Variants in SERPINE3 observed in about 807,000 individuals in gnomAD.
SERPINE3 encodes the protein serpin E3.
SERPINE3 carries 43 observed loss-of-function variants against 41.7 expected under a neutral mutation model. That is an observed-to-expected ratio of 1.03 (90% CI 0.81 to 1.33). SERPINE3 has a LOEUF of 1.33. Ranked by LOEUF, SERPINE3 falls within the 40% of genes most tolerant of loss-of-function variation. The pLI is 0.00. For synonymous variants in SERPINE3, 200 were observed against 192.2 expected, an observed-to-expected ratio of 1.04 and a Z score of -0.34; for missense variants, 440 against 491.7, an observed-to-expected ratio of 0.89 and a Z score of 0.99.
Position 51,361,343 on chromosome 13 carries a change from A to G in SERPINE3, c.1066A>G (p.Thr356Ala), listed in dbSNP as rs780381450. The change falls in exon 8 of 10, where the codon ACC (threonine) becomes GCC (alanine). Residue 356 changes from threonine to alanine, a missense_variant. Thr to Ala is a moderately conservative substitution (Grantham distance 58, BLOSUM62 0). Transcript: ENST00000681248. ...CAAGATTGAAGTTTTGGAGGAAGGC[A>G]CCAAGGCATCTGGAGCCACAGGTAT... ...KAKIEVLEEG[T>A]KASGATALLL... 8.1e-6 allele frequency: 13 copies of G among 1,608,656 alleles called. No individual in the cohort carries two copies. In the South Asian group the frequency reaches 9.9e-5, roughly 12 times the overall value.
intron 4 of SERPINE3, among the ~76,000 whole-genome samples, 182 bp downstream of exon 4, chr13:51,344,667 C>T (rs1215001090): frequency 1.3e-5 from 2 of 152,092 alleles, no homozygotes; most frequent in African/African-American, 4.8e-5. Flanking sequence ...TGCCTCTCTT[C>T]CTGCTCTGAC....
rs530861853 is a variant in SERPINE3 at position 51,348,332 on chromosome 13, G to A, written c.820G>A (p.Glu274Lys). The change falls in exon 6 of 10, where the codon GAG becomes AAG. Residue 274 changes from glutamate to lysine, a missense_variant. Glu to Lys is a moderately conservative substitution (Grantham distance 56, BLOSUM62 1). Coordinates refer to ENST00000681248, the MANE Select transcript of SERPINE3 (RefSeq NM_001386375.1). ...RDKDTPLSHIEPHLTASTIHL... is the reference protein window; with the variant it reads ...RDKDTPLSHIKPHLTASTIHL... ...CAAAGACACCCCCCTGAGCCACATC[G>A]AGCCACACCTCACAGCCAGCACCAT... The A allele has an allele frequency of 1.7e-5, 28 of 1,613,802 alleles. No homozygotes were observed. The highest frequency in any genetic ancestry group is 3.3e-5 in the South Asian group (3 of 91,066).
At chr13:51,345,858 A>G (rs978958630) in intron 4 of SERPINE3, among the ~76,000 whole-genome samples, 1 of 152,192 alleles carries the variant, frequency 6.6e-6, no homozygotes, top group Admixed American at 6.5e-5. Flanking sequence ...GTCCTCTAAG[A>G]AAAAGGGGCA....
intron 6 of SERPINE3, among the ~76,000 whole-genome samples, chr13:51,352,487 G>A (rs1955414890): frequency 6.6e-6 from 1 of 151,570 alleles, no homozygotes; most frequent in South Asian, 2.1e-4. Context: ...TTTTGTGTGT[G>A]TGGATTCTTT....
At chr13:51,363,886 T>C (rs752251070) in intron 9 of SERPINE3, 6 of 161,388 alleles carry the variant, frequency 3.7e-5, no homozygotes, top group Non-Finnish European at 8.0e-5. Flanking sequence ...TCATGAGCAA[T>C]CTGTGAAACA....
At chr13:51,348,158 G>T in intron 5 of SERPINE3, 55 bp from the exon 6 acceptor site, 1 of 1,395,310 alleles carries the variant, frequency 7.2e-7, no homozygotes. Flanking sequence ...TCCGACACTG[G>T]TTCATTCTCC....
chr13:51,351,562 T>C (rs1296499718), intron 6 of SERPINE3, among the ~76,000 whole-genome samples: 2 of 152,172 alleles, frequency 1.3e-5, no homozygotes, highest in Non-Finnish European at 2.9e-5. Context: ...GATTTGTAAA[T>C]ACTTTGTCAT....
At chr13:51,340,978 TA>T in intron 2 of SERPINE3, 96 bp from the exon 3 acceptor site, 1 of 1,299,902 alleles carries the variant, frequency 7.7e-7, no homozygotes, top group Non-Finnish European at 1.1e-6. Flanking sequence ...CCCTAGCCCC[TA>T]AAAACAGAGC....
Position 51,361,627 on chromosome 13 carries a change from A to G in SERPINE3, c.1088-183A>G, listed in dbSNP as rs980404663. ...ATGGAATGTGTTGAAAACAGGAGAC[A>G]GGATTGGCTAAATGGCATCTTTTCT... On this transcript the variant is annotated intron_variant, in intron 8 of 9. Transcript: ENST00000681248. 6.6e-6 allele frequency: 4 copies of G among 605,338 alleles called. No individual in the cohort carries two copies. The African/African-American group carries it at 7.5e-5, about 11-fold the overall frequency. 37.5% of individuals were successfully genotyped at this position (605,338 alleles called of 1,614,324 possible).
At chr13:51,348,529 A>C in intron 6 of SERPINE3, 118 bp downstream of exon 6, 1 of 751,870 alleles carries the variant, frequency 1.3e-6, no homozygotes, top group Non-Finnish European at 2.2e-6. Flanking sequence ...GACTTGTTTA[A>C]TATGTATCCC....
chr13:51,341,290 G>T lies in SERPINE3; in HGVS notation c.199G>T (p.Gly67Ter). 6.2e-7 allele frequency: 1 copy of T among 1,613,396 alleles called. No individual in the cohort carries two copies. The highest frequency in any genetic ancestry group is 8.5e-7 in the Non-Finnish European group (1 of 1,179,608). ...CCTCCCCCTGGAGATCCTGCAGTTTGGAGCAGAAGGGAGCACTGGTCAGCA... is the reference window on the plus strand; with the variant it reads ...CCTCCCCCTGGAGATCCTGCAGTTTTGAGCAGAAGGGAGCACTGGTCAGCA... ...VSLPLEILQF[G>*]AEGSTGQQLA... is the part of the protein sequence containing the mutation. The change falls in exon 3 of 10, where the codon GGA (glycine) becomes TGA (stop). Residue 67 changes from glycine to a stop codon, truncating the protein, a stop_gained. Transcript: ENST00000681248. LOFTEE classifies it high-confidence loss of function.
rs1955355441 is a variant in SERPINE3, at chr13:51,347,130, G to A, written c.596G>A (p.Arg199Gln). Residue 199 changes from arginine (R) to glutamine (Q), a missense_variant, in exon 5 of 10, where the codon CGA becomes CAA. Arg to Gln is a conservative substitution (Grantham distance 43). Transcript: ENST00000681248. ...ACCATGTCCTTCCAAGGCACTTGGC[G>A]AAAGAGATTCTCCTCCACAGACACA... ...VSTMSFQGTW[R>Q]KRFSSTDTQI... 3.7e-6 allele frequency: 6 copies of A among 1,613,536 alleles called. No homozygotes were observed. Among genetic ancestry groups the A allele is most frequent in the African/African-American group, 1.3e-5 (1 of 75,056 alleles).
chr13:51,360,616 C>T (rs1422325657), intron 7 of SERPINE3, among the ~76,000 whole-genome samples: 1 of 152,042 alleles, frequency 6.6e-6, no homozygotes, highest in East Asian at 1.9e-4. Context: ...ACTGTTAGCA[C>T]ATAGAACATT....
At chr13:51,346,580 A>C (rs1349194285) in intron 4 of SERPINE3, among the ~76,000 whole-genome samples, 10 of 151,810 alleles carry the variant, frequency 6.6e-5, no homozygotes. Flanking sequence ...CACTGCCCCC[A>C]CCTCCCCTGA....
intron 3 of SERPINE3, among the ~76,000 whole-genome samples, chr13:51,342,178 C>CAAAAAAAAAAAAAAAA (rs869298134): frequency 1.6e-5 from 1 of 63,578 alleles, no homozygotes; most frequent in African/African-American, 5.3e-5. Context: ...AAAGACAGAA[C>CAAAAAAAAAAAAAAAA]AAAAAAAAAA....
chr13:51,354,918 A>C, intron 6 of SERPINE3, 125 bp from the exon 7 acceptor site: 1 of 626,800 alleles, frequency 1.6e-6, no homozygotes, highest in African/African-American at 1.8e-5. Flanking sequence ...TGGAAGATGA[A>C]GCTGGAAATA....
Position 51,346,771 on chromosome 13 carries a change from C to T in SERPINE3, c.491-254C>T, listed in dbSNP as rs370476023. On this transcript the variant is annotated intron_variant, in intron 4 of 9. Coordinates refer to ENST00000681248, the MANE Select transcript of SERPINE3 (RefSeq NM_001386375.1). ...TAGGATTTTTATAAAATGACCATAT[C>T]GCTCAACAGTCCCCAAAAGTTGAGA... Among the ~76,000 whole-genome samples the T allele has an allele frequency of 1.1e-4, 16 of 152,310 alleles. No homozygotes were observed. In the East Asian group the frequency reaches 1.5e-3, roughly 15 times the overall value.
At position 51,360,030 on chromosome 13, in the gene SERPINE3, G is replaced by GTGAA. The variant is rs142465539; in HGVS notation, c.1001-1246_1001-1243dup. 3.5e-4 allele frequency among the ~76,000 whole-genome samples: 54 copies of GTGAA among 152,180 alleles called. 1 individual carries two copies. In the East Asian group the frequency reaches 7.1e-3, roughly 20 times the overall value. On this transcript the variant is annotated intron_variant, in intron 7 of 9. Coordinates refer to ENST00000681248, the MANE Select transcript of SERPINE3 (RefSeq NM_001386375.1). ...TGCTGGAAAATAACTGTTCCTTACA[G>GTGAA]TGAATATAGCCAACTCCCAACATCC...
At chr13:51,362,125 T>C in intron 9 of SERPINE3, 21 of 1,348,728 alleles carry the variant, frequency 1.6e-5, no homozygotes, top group Non-Finnish European at 2.0e-5. Context: ...AGCTCATATA[T>C]AGTTAATGTA....
Sources: allele counts gnomAD v4.1 joint callset (sites outside exome capture counted in the v4.1 genomes callset), GRCh38; gene constraint gnomAD v4.1.1; transcripts MANE v1.5; gene names NCBI Gene and HGNC (gene_info 2026-07-23, HGNC 2026-07-21).